The following PHLPP1 variants were observed in gnomAD, a reference collection of about 807,000 sequenced individuals.
PHLPP1 encodes PH domain and leucine rich repeat protein phosphatase 1.
Under a neutral mutation model 117.2 loss-of-function variants are expected in PHLPP1, and 42 were observed. The observed-to-expected ratio is 0.36, with a 90% CI of 0.28 to 0.46. The LOEUF (loss-of-function observed/expected upper bound fraction) is 0.46, where lower values mean the gene tolerates loss of function less well. Among genes scored for constraint, PHLPP1 ranks in the 20% least tolerant of loss-of-function variants. The pLI is 1.00. For missense variants in PHLPP1, 2,084 were observed against 2,241.9 expected, an observed-to-expected ratio of 0.93 and a Z score of 1.42; for synonymous variants, 1,042 against 970.7, an observed-to-expected ratio of 1.07 and a Z score of -1.37.
intron 12 of PHLPP1, among the ~76,000 whole-genome samples, chr18:62,946,870 G>A (rs971839546): frequency 9.2e-5 from 14 of 152,058 alleles, no homozygotes; most frequent in African/African-American, 1.7e-4. Context: ...TGGCTAACAC[G>A]GTGAAACCCT....
intron 3 of PHLPP1, 106 bp from the exon 4 acceptor site, chr18:62,860,329 C>T (rs2144361789): frequency 2.1e-6 from 2 of 939,186 alleles, no homozygotes; most frequent in East Asian, 5.2e-5. Flanking sequence ...AACAGTGCTA[C>T]TTTCATAGAA....
intron 1 of PHLPP1, among the ~76,000 whole-genome samples, chr18:62,722,469 G>A (rs75725901): frequency 8.8e-4 from 134 of 152,226 alleles, no homozygotes; most frequent in African/African-American, 3.2e-3. Context: ...TTATCAAAAT[G>A]TCTAAAACAG....
At chr18:62,819,146 C>CAA (rs1914373616) in intron 1 of PHLPP1, among the ~76,000 whole-genome samples, 1 of 152,046 alleles carries the variant, frequency 6.6e-6, no homozygotes, top group Non-Finnish European at 1.5e-5. Context: ...TGTAAGGAAA[C>CAA]AAACAAATGG....
At position 62,813,674 on chromosome 18, in the gene PHLPP1, G is replaced by A. The variant is rs911737343; in HGVS notation, c.1577-16361G>A. ...ACCTGCAACATCTGCAAAATCTCAC[G>A]CTCCTGCCCAGAACTATTGAATGAG... On this transcript the variant is annotated intron_variant, in intron 1 of 16. Transcript: ENST00000262719. 2.0e-5 allele frequency among the ~76,000 whole-genome samples: 3 copies of A among 152,016 alleles called. No individual in the cohort carries two copies. The South Asian group carries it at 6.2e-4, about 32-fold the overall frequency.
chr18:62,831,907 G>A (rs1320935806), intron 2 of PHLPP1, among the ~76,000 whole-genome samples: 2 of 152,124 alleles, frequency 1.3e-5, no homozygotes, highest in East Asian at 1.9e-4. Flanking sequence ...GATTTTAGTC[G>A]TTCATTTTGA....
Position 62,718,759 on chromosome 18 carries a change from T to G in PHLPP1, c.1576+1500T>G, listed in dbSNP as rs573673987. On this transcript the variant is annotated intron_variant, in intron 1 of 16. Coordinates refer to ENST00000262719, the MANE Select transcript of PHLPP1 (RefSeq NM_194449.4). Reference sequence around the variant, plus strand: ...ACAAAAGCATTAAAAATAGGTGCCCTTTAACTACATGGAAGGAACTGTATA... The same window carrying G: ...ACAAAAGCATTAAAAATAGGTGCCCGTTAACTACATGGAAGGAACTGTATA... Among the ~76,000 whole-genome samples the G allele has an allele frequency of 2.6e-5, 4 of 152,336 alleles. No individual in the cohort carries two copies. In the East Asian group the frequency reaches 7.7e-4, roughly 29 times the overall value.
intron 1 of PHLPP1, among the ~76,000 whole-genome samples, chr18:62,801,753 CTG>C (rs1372594494): frequency 2.0e-5 from 3 of 152,118 alleles, no homozygotes; most frequent in African/African-American, 7.2e-5. Flanking sequence ...TGCCTGGCCT[CTG>C]TTTGTTTTTA....
chr18:62,757,866 A>T (rs1912077281), intron 1 of PHLPP1, among the ~76,000 whole-genome samples: 1 of 152,116 alleles, frequency 6.6e-6, no homozygotes, highest in African/African-American at 2.4e-5. Flanking sequence ...AAACGTTTTC[A>T]TCTTGCCCAT....
At chr18:62,791,835 A>G (rs1913467246) in intron 1 of PHLPP1, among the ~76,000 whole-genome samples, 1 of 152,158 alleles carries the variant, frequency 6.6e-6, no homozygotes, top group Non-Finnish European at 1.5e-5. Context: ...TGGAAGGTTA[A>G]GAGTCTACAC....
rs866792593 is a variant in PHLPP1 at position 62,787,888 on chromosome 18, G to A, written c.1577-42147G>A. Among the ~76,000 whole-genome samples, 5 of 152,268 alleles carry A rather than the reference G, an allele frequency of 3.3e-5. No homozygotes were observed. In the Middle Eastern group the frequency reaches 0.01, roughly 313 times the overall value. On this transcript the variant is annotated intron_variant, in intron 1 of 16. Coordinates refer to ENST00000262719, the MANE Select transcript of PHLPP1 (RefSeq NM_194449.4). The stretch of plus-strand genomic sequence containing the variant: ...TTTACTGAAGGAATGGAGATGTGTG[G>A]GTAATCCAGTGGGTTGGTTAAGTGG...
At chr18:62,900,290 T>G in intron 6 of PHLPP1, among the ~76,000 whole-genome samples, 1 of 149,734 alleles carries the variant, frequency 6.7e-6, no homozygotes, top group Admixed American at 6.7e-5. Context: ...GAGCAAGACT[T>G]TGCCTTAAAA....
intron 1 of PHLPP1, chr18:62,826,158 GTT>G (rs35765989): frequency 3.3e-5 from 9 of 276,760 alleles, no homozygotes; most frequent in South Asian, 6.4e-5. Flanking sequence ...TTATTTATTT[GTT>G]TTTTTTTTTC....
At position 62,896,093 on chromosome 18, in the gene PHLPP1, A is replaced by G. The variant is rs144696639; in HGVS notation, c.2444+82A>G. ...GGGGAGTAGGTTATTAACCAAGGCA[A>G]ACAAGCTGGGTAATTGAATGTGGGC... On this transcript the variant is annotated intron_variant, in intron 6 of 16. Transcript: ENST00000262719. 499 of 784,942 alleles carry G rather than the reference A, an allele frequency of 6.4e-4. 5 individuals are homozygous for G. The East Asian group carries it at 0.011, about 17-fold the overall frequency. The allele number at this position is 784,942 out of a possible 1,614,324, so 48.6% of individuals were successfully genotyped here.
At chr18:62,810,615 C>T (rs12970717) in intron 1 of PHLPP1, among the ~76,000 whole-genome samples, 30,509 of 151,954 alleles carry the variant, frequency 0.2, 4,331 homozygotes, top group African/African-American at 0.41. Flanking sequence ...GTTATATGTA[C>T]GTGGTTTCTT....
chr18:62,716,277 G>T lies in PHLPP1; in HGVS notation c.594G>T (p.Gln198His). 1 of 1,530,678 alleles carries T rather than the reference G, an allele frequency of 6.5e-7. No homozygotes were observed. Among genetic ancestry groups the T allele is most frequent in the Non-Finnish European group, 8.7e-7 (1 of 1,145,014 alleles). 94.8% of individuals were successfully genotyped at this position (1,530,678 alleles called of 1,614,324 possible). A position where few individuals can be genotyped will look rare whatever the true frequency, so the allele number is the denominator to read the frequency against. ...QPSDRDWVRH[Q>H]LQRGCVHVFD... is the part of the protein sequence containing the mutation. ...CGGACCGGGACTGGGTGAGGCACCA[G>T]CTCCAGCGCGGCTGCGTGCACGTCT... Residue 198 changes from glutamine (Q) to histidine (H), a missense_variant, in exon 1 of 17, where the codon CAG becomes CAT. By Grantham distance (24) the Gln-to-His change is conservative (BLOSUM62 0). This residue lies in a region of PHLPP1 where 719 missense variants were observed against 636.0 expected (regional missense o/e 1.13). Transcript: ENST00000262719. This position sits in a 1 kb window ranked among gnomAD's most constrained non-coding sequence, Gnocchi z 5.7.
At chr18:62,728,833 G>T (rs1599015883) in intron 1 of PHLPP1, among the ~76,000 whole-genome samples, 1 of 152,142 alleles carries the variant, frequency 6.6e-6, no homozygotes, top group African/African-American at 2.4e-5. Context: ...TTTAAAAAAG[G>T]AAGGCTAACA....
chr18:62,938,057 A>G (rs1015386985), intron 10 of PHLPP1, among the ~76,000 whole-genome samples: 15 of 152,156 alleles, frequency 9.9e-5, no homozygotes, highest in African/African-American at 3.1e-4. Flanking sequence ...TGTCTGTGGA[A>G]TCTACAAAGT....
chr18:62,860,273 G>C (rs976814342), intron 3 of PHLPP1, among the ~76,000 whole-genome samples, 162 bp from the exon 4 acceptor site: 2 of 152,084 alleles, frequency 1.3e-5, no homozygotes, highest in African/African-American at 4.8e-5. Context: ...CTGAAAGGTT[G>C]GTATGCGGCA....
In PHLPP1 at chr18:62,979,122, T is replaced by C; in HGVS notation, c.4845T>C (p.Val1615=). 1 of 1,613,926 alleles carries C rather than the reference T, an allele frequency of 6.2e-7. No homozygotes were observed. Among genetic ancestry groups the C allele is most frequent in the Non-Finnish European group, 8.5e-7 (1 of 1,179,872 alleles). Residue 1615 remains valine, a synonymous_variant, in exon 17 of 17, where the codon GTT becomes GTC. Transcript: ENST00000262719. ...CCAGGAAGGCAGACTTCTCTGCCGTTGGGACCATTGGGCGCCGGAGGGCCA... is the reference window on the plus strand; with the variant it reads ...CCAGGAAGGCAGACTTCTCTGCCGTCGGGACCATTGGGCGCCGGAGGGCCA... ...GLPRKADFSA[V]GTIGRRRANG...
Sources: allele counts gnomAD v4.1 joint callset (sites outside exome capture counted in the v4.1 genomes callset), GRCh38; gene constraint gnomAD v4.1.1; regional missense constraint gnomAD v4.1.1; non-coding constraint Gnocchi (gnomAD v3.1); transcripts MANE v1.5; gene names NCBI Gene and HGNC (gene_info 2026-07-23, HGNC 2026-07-21).